The following AP2B1 variants were observed in gnomAD, a reference collection of about 807,000 sequenced individuals.
The protein encoded by AP2B1 is adaptor related protein complex 2 subunit beta 1, also known as AP-2 complex subunit beta.
A neutral mutation model predicts 102.0 loss-of-function variants in AP2B1; 23 were observed. That is an observed-to-expected ratio of 0.23 (90% CI 0.16 to 0.32). The LOEUF (loss-of-function observed/expected upper bound fraction) is 0.32. Among genes scored for constraint, AP2B1 ranks in the 10% least tolerant of loss-of-function variants. The probability of loss-of-function intolerance (pLI) is 1.00; values close to 1 mark genes in which losing one functional copy is unlikely to be tolerated. For synonymous variants in AP2B1, 381 were observed against 421.2 expected (o/e 0.90, Z 1.17); for missense variants, 541 against 1,157.4 (o/e 0.47, Z 7.73).
intron 12 of AP2B1, among the ~76,000 whole-genome samples, chr17:35,648,840 G>A (rs1015733672): frequency 2.0e-5 from 3 of 151,814 alleles, no homozygotes; most frequent in African/African-American, 7.3e-5. Context: ...GAGTTGAGAT[G>A]GAGAAGGGTT....
intron 12 of AP2B1, 144 bp from the exon 13 acceptor site, chr17:35,650,386 G>A (rs1423203811): frequency 4.2e-6 from 4 of 960,952 alleles, no homozygotes; most frequent in Admixed American, 2.5e-5. Flanking sequence ...TGAGCTATGA[G>A]CTACCACATC....
intron 21 of AP2B1, among the ~76,000 whole-genome samples, chr17:35,719,402 T>A (rs35672532): frequency 0.073 from 11,090 of 152,096 alleles, 467 homozygotes; most frequent in Middle Eastern, 0.11. Context: ...ATGGTCAGAC[T>A]CTCACCCCAG....
Position 35,605,856 on chromosome 17 carries a change from G to A in AP2B1, c.279+16G>A, listed in dbSNP as rs200859154. On this transcript the variant is annotated intron_variant, in intron 4 of 21. Coordinates refer to ENST00000610402, the MANE Select transcript of AP2B1 (RefSeq NM_001030006.2). ...CTTTGTGAAGGTAACTTTTCCCAAGGCCTCAATAACAGAGTTTGAATTGCA... is the reference window on the plus strand; with the variant it reads ...CTTTGTGAAGGTAACTTTTCCCAAGACCTCAATAACAGAGTTTGAATTGCA... 1 of 1,606,372 alleles carries A rather than the reference G, an allele frequency of 6.2e-7. No homozygotes were observed. The highest frequency in any genetic ancestry group is 1.7e-5 in the Admixed American group (1 of 58,194).
intron 18 of AP2B1, among the ~76,000 whole-genome samples, chr17:35,692,384 A>G (rs2076058071): frequency 6.6e-6 from 1 of 152,194 alleles, no homozygotes; most frequent in South Asian, 2.1e-4. Flanking sequence ...GGATAATGGC[A>G]TTAGTTTTAT....
chr17:35,718,760 G>T (rs1176628926), intron 21 of AP2B1, among the ~76,000 whole-genome samples: 1 of 151,124 alleles, frequency 6.6e-6, no homozygotes, highest in African/African-American at 2.4e-5. Flanking sequence ...ATATATGGGT[G>T]TGTGTGGTTT....
Position 35,672,035 on chromosome 17 carries a change from T to C in AP2B1, c.2178+135T>C. 4.3e-6 allele frequency: 4 copies of C among 939,124 alleles called. No homozygotes were observed. In the East Asian group the frequency reaches 1.0e-4, roughly 24 times the overall value. 58.2% of individuals were successfully genotyped at this position (939,124 alleles called of 1,614,324 possible). On this transcript the variant is annotated intron_variant, in intron 16 of 21. Transcript: ENST00000610402. ...TTGTTCTGGAGGACTTAGAGGAAGA[T>C]GAAAGGTGGCTTCAAACTTAGCAGT... is the stretch of plus-strand genomic sequence containing the variant.
chr17:35,681,658 C>T (rs1598273609), intron 17 of AP2B1, among the ~76,000 whole-genome samples: 1 of 152,164 alleles, frequency 6.6e-6, no homozygotes, highest in Admixed American at 6.5e-5. Flanking sequence ...CTGCCTCAGC[C>T]TCCCAAAGTG....
At chr17:35,640,245 T>TATG (rs1322712512) in intron 11 of AP2B1, among the ~76,000 whole-genome samples, 3 of 133,612 alleles carry the variant, frequency 2.2e-5, no homozygotes, top group Non-Finnish European at 4.8e-5. Context: ...TTTTTTTTTT[T>TATG]TTTTTTTTTT....
At chr17:35,654,575 C>T (rs1294301245) in intron 13 of AP2B1, among the ~76,000 whole-genome samples, 4 of 152,128 alleles carry the variant, frequency 2.6e-5, no homozygotes, top group African/African-American at 9.7e-5. Context: ...CCCGTAAGTA[C>T]TGTACTTGGT....
At chr17:35,658,840 G>A (rs2075294830) in intron 14 of AP2B1, among the ~76,000 whole-genome samples, 1 of 152,164 alleles carries the variant, frequency 6.6e-6, no homozygotes, top group African/African-American at 2.4e-5. Context: ...CCAGCCAGTA[G>A]AGGTTCATTT....
At chr17:35,649,368 G>A (rs934835565) in intron 12 of AP2B1, among the ~76,000 whole-genome samples, 3 of 151,882 alleles carry the variant, frequency 2.0e-5, no homozygotes, top group African/African-American at 4.8e-5. Flanking sequence ...TCCCGGGTTC[G>A]AGTGATTCTC....
chr17:35,614,456 C>T (rs865979530), intron 5 of AP2B1, among the ~76,000 whole-genome samples: 1 of 152,060 alleles, frequency 6.6e-6, no homozygotes, highest in Non-Finnish European at 1.5e-5. Context: ...TCTCAAAGTA[C>T]TGAGATTATA....
chr17:35,614,666 A>AAAAT (rs2073963236), intron 5 of AP2B1, among the ~76,000 whole-genome samples: 1 of 151,460 alleles, frequency 6.6e-6, no homozygotes, highest in African/African-American at 2.4e-5. Flanking sequence ...AAAAAAAAAA[A>AAAAT]AAAAAAAAAA....
rs2085507003 is a variant in AP2B1, at chr17:35,725,760, A to C, written c.*2061A>C. ...GCAAATAGTGTTCTCATCTCAAAGC[A>C]AACTATCATTCCAGAAGGAAAAGTG... On this transcript the variant is annotated 3_prime_UTR_variant, in exon 22 of 22. Coordinates refer to ENST00000610402, the MANE Select transcript of AP2B1 (RefSeq NM_001030006.2). The C allele has an allele frequency of 6.6e-6, 1 of 152,636 alleles. No homozygotes were observed. The highest frequency in any genetic ancestry group is 2.4e-5 in the African/African-American group (1 of 41,454). The allele number at this position is 152,636 out of a possible 1,614,324, so 9.5% of individuals were successfully genotyped here. A position where few individuals can be genotyped will look rare whatever the true frequency, so the allele number is the denominator to read the frequency against.
intron 18 of AP2B1, among the ~76,000 whole-genome samples, chr17:35,698,304 T>TTTTTG (rs1015681244): frequency 1.3e-5 from 2 of 151,996 alleles, no homozygotes; most frequent in African/African-American, 4.8e-5. Context: ...AGGGTGTTTT[T>TTTTTG]TTTTGTTTTG....
chr17:35,622,426 T>C (rs1219394327), intron 5 of AP2B1, among the ~76,000 whole-genome samples: 3 of 152,208 alleles, frequency 2.0e-5, no homozygotes, highest in African/African-American at 7.2e-5. Context: ...TAAAATCATA[T>C]GCTGGGATAA....
At chr17:35,643,860 C>A (rs1425797935) in intron 12 of AP2B1, among the ~76,000 whole-genome samples, 1 of 152,154 alleles carries the variant, frequency 6.6e-6, no homozygotes, top group Admixed American at 6.5e-5. Context: ...AAATTTCTAA[C>A]AAGTTTTGGA....
intron 14 of AP2B1, 48 bp downstream of exon 14, chr17:35,657,839 T>C (rs1203574508): frequency 6.4e-7 from 1 of 1,551,138 alleles, no homozygotes; most frequent in South Asian, 1.2e-5. Flanking sequence ...TAGTTCTTGA[T>C]ATGCTAGAGA....
chr17:35,709,620 T>C (rs1317027910), intron 19 of AP2B1, among the ~76,000 whole-genome samples: 3 of 152,224 alleles, frequency 2.0e-5, no homozygotes, highest in Non-Finnish European at 4.4e-5. Context: ...GCTGTGTGAC[T>C]GGTCAAGGTG....
Sources: gnomAD v4.1 joint callset for allele counts (sites outside exome capture counted in the v4.1 genomes callset) on GRCh38, gnomAD v4.1.1 for gene constraint, MANE v1.5 for transcripts, NCBI Gene and HGNC (gene_info 2026-07-23, HGNC 2026-07-21) for gene names.